The following ZDHHC19 variants were observed in gnomAD, a reference collection of about 807,000 sequenced individuals.
ZDHHC19 encodes palmitoyltransferase ZDHHC19.
Under a neutral mutation model 33.9 loss-of-function variants are expected in ZDHHC19, and 30 were observed. The observed-to-expected ratio is 0.88, with a 90% confidence interval of 0.66 to 1.20. ZDHHC19 has a LOEUF of 1.20. Ranked by LOEUF, ZDHHC19 falls within the 50% of genes most tolerant of loss-of-function variation. The pLI, the probability that ZDHHC19 is intolerant of heterozygous loss-of-function variation, is 0.00. For synonymous variants in ZDHHC19, 178 were observed against 167.6 expected, an observed-to-expected ratio of 1.06 and a Z score of -0.48; for missense variants, 364 against 401.1, an observed-to-expected ratio of 0.91 and a Z score of 0.79.
At chr3:196,199,413 A>C in intron 5 of ZDHHC19, 1 of 160,256 alleles carries the variant, frequency 6.2e-6, no homozygotes, top group Non-Finnish European at 1.4e-5. Context: ...TCTGCCCACC[A>C]CCAACTCCCC....
chr3:196,210,313 AAAGGAAAGAAGG>A (rs1723144863), intron 2 of ZDHHC19, among the ~76,000 whole-genome samples: 1 of 135,408 alleles, frequency 7.4e-6, no homozygotes, highest in African/African-American at 2.9e-5. Flanking sequence ...AGAGAGGAAG[AAAGGAAAGAAGG>A]AAAGAAAGAA....
rs1371382876 is a variant in ZDHHC19, at chr3:196,197,717, C to T, written c.*28G>A. Reference sequence around the variant, plus strand: ...GCAGCAGCAGGGGCAGCACTGGGCCCGTGTGGAACTAAACACAGAACAGGG... The same window carrying T: ...GCAGCAGCAGGGGCAGCACTGGGCCTGTGTGGAACTAAACACAGAACAGGG... On this transcript the variant is annotated 3_prime_UTR_variant, in exon 8 of 8. Coordinates refer to ENST00000296326, the MANE Select transcript of ZDHHC19 (RefSeq NM_001039617.2). The surrounding 1 kb of genome is among the most constrained non-coding windows in gnomAD (Gnocchi z 4.4). The T allele has an allele frequency of 6.6e-6, 1 of 152,406 alleles. No homozygotes were observed. The highest frequency in any genetic ancestry group is 1.5e-5 in the Non-Finnish European group (1 of 68,234). 9.4% of individuals were successfully genotyped at this position (152,406 alleles called of 1,614,324 possible).
intron 5 of ZDHHC19, among the ~76,000 whole-genome samples, chr3:196,204,335 C>G (rs1722575965): frequency 6.6e-6 from 1 of 152,078 alleles, no homozygotes; most frequent in Admixed American, 6.5e-5. Context: ...GATACAAAAT[C>G]TATATGCTGA....
At chr3:196,201,380 C>T (rs1684803759) in intron 5 of ZDHHC19, among the ~76,000 whole-genome samples, 1 of 150,896 alleles carries the variant, frequency 6.6e-6, no homozygotes, top group Non-Finnish European at 1.5e-5. Context: ...CTGACCAATA[C>T]ATTTGTACCT....
chr3:196,210,360 G>GA (rs1300579612), intron 2 of ZDHHC19, among the ~76,000 whole-genome samples: 26 of 124,520 alleles, frequency 2.1e-4, no homozygotes, highest in African/African-American at 5.0e-4. Context: ...AAGAAAGAAA[G>GA]AAGGAAGGAA....
intron 5 of ZDHHC19, chr3:196,202,498 G>A (rs1722436278): frequency 6.6e-6 from 1 of 152,396 alleles, no homozygotes; most frequent in South Asian, 2.1e-4. Context: ...CTGTGCTGGG[G>A]GTTGAGGACG....
At chr3:196,208,300 T>C in intron 4 of ZDHHC19, 88 bp downstream of exon 4, 1 of 1,172,934 alleles carries the variant, frequency 8.5e-7, no homozygotes, top group South Asian at 1.5e-5. Context: ...GGCTTCTCCC[T>C]CTAGCCCCGC....
chr3:196,201,897 C>T (rs138681026), intron 5 of ZDHHC19, among the ~76,000 whole-genome samples: 2 of 152,286 alleles, frequency 1.3e-5, no homozygotes, highest in Non-Finnish European at 2.9e-5. Flanking sequence ...CCCCCCTCTC[C>T]CCATTCCCCG....
At chr3:196,202,856 T>G (rs565894561) in intron 5 of ZDHHC19, among the ~76,000 whole-genome samples, 1 of 152,162 alleles carries the variant, frequency 6.6e-6, no homozygotes, top group Non-Finnish European at 1.5e-5. Context: ...GTCAGGAGAC[T>G]TGGCTGCTGG....
At chr3:196,198,554 G>A in intron 6 of ZDHHC19, 103 bp from the exon 7 acceptor site, 1 of 1,558,978 alleles carries the variant, frequency 6.4e-7, no homozygotes, top group Non-Finnish European at 8.7e-7. Context: ...TAGCTCTGCA[G>A]GAAGCTGAGG....
chr3:196,209,375 C>A lies in ZDHHC19; in HGVS notation c.408+1G>T, dbSNP rs545987998. On this transcript the variant is annotated splice_donor_variant, in intron 3 of 7. Coordinates refer to ENST00000296326, the MANE Select transcript of ZDHHC19 (RefSeq NM_001039617.2). LOFTEE classifies it high-confidence loss of function. ...TGGTGGACAGGTAGAGGGGCACTCA[C>A]CTCCACACAGATGTTGCACCAGGGG... The A allele has an allele frequency of 6.3e-7, 1 of 1,596,256 alleles. No individual in the cohort carries two copies. The highest frequency in any genetic ancestry group is 1.3e-5 in the African/African-American group (1 of 74,746).
Position 196,208,543 on chromosome 3 carries a change from G to T in ZDHHC19, c.426C>A (p.Cys142Ter). 5 of 1,614,110 alleles carry T rather than the reference G, an allele frequency of 3.1e-6. No homozygotes were observed. The highest frequency in any genetic ancestry group is 4.2e-6 in the Non-Finnish European group (5 of 1,180,004). ...GACCGATGCAGTTATTGACCCACTT[G>T]CAGTGGTGGTCAAAGTCCTGGGCGA... ...NICVEDFDHH[C>*]KWVNNCIGHR... The change falls in exon 4 of 8, where the codon TGC becomes TGA. Residue 142 changes from cysteine to a stop codon, truncating the protein, a stop_gained. Transcript: ENST00000296326. LOFTEE classifies it high-confidence loss of function.
At chr3:196,202,057 G>T (rs981171560) in intron 5 of ZDHHC19, among the ~76,000 whole-genome samples, 27 of 152,048 alleles carry the variant, frequency 1.8e-4, no homozygotes, top group African/African-American at 6.5e-4. Flanking sequence ...GGTGGCTCAT[G>T]CCTGTAATCC....
chr3:196,208,218 G>T (rs1394716568), intron 4 of ZDHHC19, among the ~76,000 whole-genome samples, 170 bp downstream of exon 4: 1 of 151,776 alleles, frequency 6.6e-6, no homozygotes, highest in African/African-American at 2.4e-5. Context: ...TTAACGCTCC[G>T]CCCCTTCTCC....
chr3:196,201,693 C>A lies in ZDHHC19; in HGVS notation c.688-2819G>T, dbSNP rs150580077. ...CCGAGATAGCACCACTGCACTCCAG[C>A]CTGGACGACAGAGTGAGACTCTGTC... On this transcript the variant is annotated intron_variant, in intron 5 of 7. Transcript: ENST00000296326. 8.5e-3 allele frequency among the ~76,000 whole-genome samples: 1,297 copies of A among 152,048 alleles called. 11 individuals carry two copies. Among genetic ancestry groups the A allele is most frequent in the Middle Eastern group, 0.034 (10 of 292 alleles).
chr3:196,209,555 C>G (rs200173869), intron 2 of ZDHHC19, 40 bp from the exon 3 acceptor site: 286 of 1,600,216 alleles, frequency 1.8e-4, no homozygotes, highest in Non-Finnish European at 2.3e-4. Flanking sequence ...GAAGGCCCTG[C>G]GGTCACCCCG....
Position 196,203,308 on chromosome 3 carries a change from G to A in ZDHHC19, c.687+4090C>T, listed in dbSNP as rs1290862340. Reference sequence around the variant, plus strand: ...AGAGAGAAATTGAACGGTATTAATAGTAGCGACATCTAGAGCACTCACTTG... The same window carrying A: ...AGAGAGAAATTGAACGGTATTAATAATAGCGACATCTAGAGCACTCACTTG... On this transcript the variant is annotated intron_variant, in intron 5 of 7. Coordinates refer to ENST00000296326, the MANE Select transcript of ZDHHC19 (RefSeq NM_001039617.2). This position sits in a 1 kb window ranked among gnomAD's most constrained non-coding sequence, Gnocchi z 4.3. 6.6e-6 allele frequency among the ~76,000 whole-genome samples: 1 copy of A among 152,144 alleles called. No homozygotes were observed. Among genetic ancestry groups the A allele is most frequent in the Admixed American group, 6.5e-5 (1 of 15,274 alleles).
intron 2 of ZDHHC19, among the ~76,000 whole-genome samples, chr3:196,209,999 G>A (rs1723086722): frequency 6.6e-6 from 1 of 152,136 alleles, no homozygotes; most frequent in Non-Finnish European, 1.5e-5. Flanking sequence ...AGACCAGCCT[G>A]GCCAATATGG....
chr3:196,210,331 AAG>A (rs1723151427), intron 2 of ZDHHC19, among the ~76,000 whole-genome samples: 1 of 135,108 alleles, frequency 7.4e-6, no homozygotes, highest in Non-Finnish European at 1.6e-5. Context: ...GAAGGAAAGA[AAG>A]AAAGAAAGAA....
Sources: allele counts gnomAD v4.1 joint callset (sites outside exome capture counted in the v4.1 genomes callset), GRCh38; gene constraint gnomAD v4.1.1; non-coding constraint Gnocchi (gnomAD v3.1); transcripts MANE v1.5; gene names NCBI Gene and HGNC (gene_info 2026-07-23, HGNC 2026-07-21).